The following DCC variants were observed in gnomAD, a reference collection of about 807,000 sequenced individuals.
DCC encodes the protein DCC netrin 1 receptor.
In DCC, 58 loss-of-function variants were observed where a neutral mutation model predicts 172.5. The ratio of observed to expected loss-of-function variants is 0.34; its 90% CI spans 0.27 to 0.42. The LOEUF is 0.42. Ranked by LOEUF, DCC falls within the 10% of genes least tolerant of loss-of-function variation. The probability of loss-of-function intolerance (pLI) is 1.00; values close to 1 mark genes in which losing one functional copy is unlikely to be tolerated. For synonymous variants in DCC, 709 were observed against 644.5 expected (o/e 1.10, Z -1.52); for missense variants, 1,740 against 1,791.0 (o/e 0.97, Z 0.51).
At chr18:52,507,809 A>T (rs545999681) in intron 1 of DCC, among the ~76,000 whole-genome samples, 1 of 152,208 alleles carries the variant, frequency 6.6e-6, no homozygotes, top group South Asian at 2.1e-4. Context: ...AAAATACAAT[A>T]ATAATTTCAG....
At chr18:53,510,912 G>A (rs1482253854) in intron 27 of DCC, among the ~76,000 whole-genome samples, 2 of 152,054 alleles carry the variant, frequency 1.3e-5, no homozygotes, top group Non-Finnish European at 2.9e-5. Flanking sequence ...GGCCTGTTCT[G>A]TTTCACTCAG....
chr18:52,659,246 C>T (rs1230660631), intron 1 of DCC, among the ~76,000 whole-genome samples: 1 of 152,076 alleles, frequency 6.6e-6, no homozygotes, highest in Non-Finnish European at 1.5e-5. Flanking sequence ...AGTCAAGGCT[C>T]AGAAATAAAC....
intron 1 of DCC, among the ~76,000 whole-genome samples, chr18:52,631,252 C>A (rs1221860): frequency 0.075 from 11,458 of 152,002 alleles, 587 homozygotes; most frequent in Middle Eastern, 0.13. Context: ...TAAACATTCC[C>A]CATGCCAACA....
At chr18:52,827,125 A>T (rs1021413484) in intron 2 of DCC, among the ~76,000 whole-genome samples, 5 of 152,174 alleles carry the variant, frequency 3.3e-5, no homozygotes, top group Admixed American at 3.3e-4. Context: ...TGATCAGTCT[A>T]GCAAACCCAG....
At chr18:53,277,578 C>T (rs1179043452) in intron 12 of DCC, among the ~76,000 whole-genome samples, 3 of 152,130 alleles carry the variant, frequency 2.0e-5, no homozygotes, top group Non-Finnish European at 1.5e-5. Flanking sequence ...CCTGTCCTTT[C>T]GTCTCCTCCC....
At chr18:53,229,994 T>A (rs978506397) in intron 12 of DCC, among the ~76,000 whole-genome samples, 22 of 152,144 alleles carry the variant, frequency 1.4e-4, no homozygotes, top group Admixed American at 8.5e-4. Flanking sequence ...CTATCTTGTT[T>A]TGCAAGCTCC....
chr18:53,287,917 TG>T (rs1370478543), intron 12 of DCC, among the ~76,000 whole-genome samples: 1 of 152,098 alleles, frequency 6.6e-6, no homozygotes, highest in African/African-American at 2.4e-5. Context: ...AACGTTATAT[TG>T]GTATAGGATA....
chr18:52,476,628 T>A (rs1394614984), intron 1 of DCC, among the ~76,000 whole-genome samples: 4 of 152,190 alleles, frequency 2.6e-5, no homozygotes, highest in Non-Finnish European at 4.4e-5. Flanking sequence ...AGACACTGCC[T>A]TGAATGAACA....
intron 2 of DCC, among the ~76,000 whole-genome samples, chr18:52,898,274 A>T (rs965343934): frequency 5.3e-5 from 8 of 152,162 alleles, no homozygotes; most frequent in African/African-American, 1.9e-4. Flanking sequence ...ACAGGAGAAG[A>T]TGTGGATCCT....
chr18:52,515,466 G>T (rs1415826554), intron 1 of DCC, among the ~76,000 whole-genome samples: 1 of 151,032 alleles, frequency 6.6e-6, no homozygotes, highest in East Asian at 1.9e-4. Flanking sequence ...AATTATCCGG[G>T]TGCAGTGGCA....
intron 11 of DCC, among the ~76,000 whole-genome samples, chr18:53,210,194 A>G (rs2055726128): frequency 6.6e-6 from 1 of 152,114 alleles, no homozygotes; most frequent in South Asian, 2.1e-4. Flanking sequence ...CTTTCTGTCT[A>G]CTTCAATCTC....
At chr18:53,497,617 C>A (rs117658737) in intron 26 of DCC, among the ~76,000 whole-genome samples, 1 of 152,176 alleles carries the variant, frequency 6.6e-6, no homozygotes, top group Non-Finnish European at 1.5e-5. Context: ...GAACCACACT[C>A]ACAAAAATCT....
At chr18:52,888,115 C>T (rs531058444) in intron 2 of DCC, among the ~76,000 whole-genome samples, 20 of 152,298 alleles carry the variant, frequency 1.3e-4, no homozygotes, top group African/African-American at 4.6e-4. Flanking sequence ...AATACTTTTT[C>T]ATCTAAATGT....
At chr18:53,059,166 A>C (rs899996620) in intron 5 of DCC, among the ~76,000 whole-genome samples, 7 of 152,124 alleles carry the variant, frequency 4.6e-5, no homozygotes, top group Non-Finnish European at 5.9e-5. Context: ...TATCATGAGA[A>C]CAGCACGAGG....
chr18:52,710,048 A>G (rs577539599), intron 1 of DCC, among the ~76,000 whole-genome samples: 1 of 152,314 alleles, frequency 6.6e-6, no homozygotes, highest in Admixed American at 6.5e-5. Flanking sequence ...CAATTTTTTA[A>G]AGGTCTTAAA....
intron 2 of DCC, among the ~76,000 whole-genome samples, chr18:52,785,491 A>T (rs987970787): frequency 6.6e-6 from 1 of 152,016 alleles, no homozygotes; most frequent in Admixed American, 6.6e-5. Context: ...AGAATGTTGG[A>T]TGACAACTTT....
intron 9 of DCC, among the ~76,000 whole-genome samples, chr18:53,190,939 C>A (rs564410283): frequency 3.9e-5 from 6 of 152,044 alleles, no homozygotes; most frequent in Admixed American, 3.9e-4. Flanking sequence ...GAGCGGACTC[C>A]GTCTTAAGAA....
At chr18:52,925,041 A>G (rs1333691937) in intron 4 of DCC, among the ~76,000 whole-genome samples, 193 bp from the exon 5 acceptor site, 3 of 151,906 alleles carry the variant, frequency 2.0e-5, no homozygotes, top group Admixed American at 2.0e-4. Context: ...GCTACACACA[A>G]TCTTCCAATG....
At chr18:53,167,232 A>C (rs1319279811) in intron 8 of DCC, among the ~76,000 whole-genome samples, 1 of 152,228 alleles carries the variant, frequency 6.6e-6, no homozygotes, top group Non-Finnish European at 1.5e-5. Flanking sequence ...TTTACTAAAA[A>C]TGCATGTTAG....
Sources: gnomAD v4.1 joint callset for allele counts (sites outside exome capture counted in the v4.1 genomes callset) on GRCh38, gnomAD v4.1.1 for gene constraint, MANE v1.5 for transcripts, NCBI Gene and HGNC (gene_info 2026-07-23, HGNC 2026-07-21) for gene names.